Variants in KIAA1614 observed in about 807,000 individuals in gnomAD.
KIAA1614 encodes the protein uncharacterized protein KIAA1614.
In KIAA1614, 76 loss-of-function variants were observed where a neutral mutation model predicts 88.7. That is an observed-to-expected ratio of 0.86 (90% CI 0.71 to 1.04). The LOEUF (loss-of-function observed/expected upper bound fraction) is 1.04, where lower values mean the gene tolerates loss of function less well. KIAA1614 is among the 50% of genes least tolerant of loss of function. The probability of loss-of-function intolerance (pLI) is 0.00; values close to 1 mark genes in which losing one functional copy is unlikely to be tolerated. For synonymous variants in KIAA1614, 714 were observed against 675.5 expected (o/e 1.06, Z -0.88); for missense variants, 1,553 against 1,582.5 (o/e 0.98, Z 0.32).
In KIAA1614 at chr1:180,916,154, A is replaced by G. The variant is rs187389379; in HGVS notation, c.51A>G (p.Gln17=). 456 of 1,543,944 alleles carry G rather than the reference A, an allele frequency of 3.0e-4. No individual in the cohort carries two copies. In the African/African-American group the frequency reaches 5.9e-3, roughly 20 times the overall value. ...AAAKPAGGSP[Q]GPKTGSGTAS... The stretch of plus-strand genomic sequence containing the variant: ...GAACTCTGTCTGTTTTCTCCTCCAG[A>G]GGGCCCAAGACAGGGAGTGGAACAG... The change falls in exon 2 of 9, where the codon CAA becomes CAG. Residue 17 remains glutamine, a splice_region_variant and synonymous_variant. Coordinates refer to ENST00000367588, the MANE Select transcript of KIAA1614 (RefSeq NM_020950.2).
chr1:180,928,271 C>G (rs1056585980), intron 3 of KIAA1614, 159 bp from the exon 4 acceptor site: 2 of 888,460 alleles, frequency 2.3e-6, no homozygotes, highest in Admixed American at 2.9e-5. Flanking sequence ...CCCAGGCCCC[C>G]AGGCTGGGTT....
chr1:180,941,006 GCCCTCCCCCGC>G, intron 6 of KIAA1614, 28 bp from the exon 7 acceptor site: 5 of 908,370 alleles, frequency 5.5e-6, no homozygotes, highest in Non-Finnish European at 7.7e-6. Flanking sequence ...CACCCTCCCG[GCCCTCCCCCGC>G]CCCCTCACCT....
chr1:180,951,196 A>G lies in KIAA1614; in HGVS notation c.*5608A>G, dbSNP rs943666653. The G allele has an allele frequency of 6.8e-6, 1 of 146,288 alleles. No homozygotes were observed. The highest frequency in any genetic ancestry group is 7.1e-5 in the Admixed American group (1 of 14,154). 9.1% of individuals were successfully genotyped at this position (146,288 alleles called of 1,614,324 possible). On this transcript the variant is annotated 3_prime_UTR_variant, in exon 9 of 9. Transcript: ENST00000367588. ...TTTCTAGGAAAATTTTTTTATACAT[A>G]AAGTTGAAAACAACAACAACAACAA... is the stretch of plus-strand genomic sequence containing the variant.
rs151081433 is a variant in KIAA1614 at position 180,919,441 on chromosome 1, C to T, written c.1061+1527C>T. On this transcript the variant is annotated intron_variant, in intron 3 of 8. Transcript: ENST00000367588. ...AAAGGCCTGTGGGCCTCAGCCGGCT[C>T]TGCTCCCCTGTCTGCGCCCTGTTCA... Among the ~76,000 whole-genome samples the T allele has an allele frequency of 6.3e-3, 960 of 152,356 alleles. 10 individuals carry two copies. Among genetic ancestry groups the T allele is most frequent in the African/African-American group, 0.021 (862 of 41,574 alleles).
chr1:180,938,375 G>A (rs1654378131), intron 5 of KIAA1614, among the ~76,000 whole-genome samples, 180 bp from the exon 6 acceptor site: 1 of 152,140 alleles, frequency 6.6e-6, no homozygotes, highest in Non-Finnish European at 1.5e-5. Flanking sequence ...CTCAGCCCTG[G>A]TCATCTAAGA....
rs933670034 is a variant in KIAA1614 at position 180,946,914 on chromosome 1, T to C, written c.*1326T>C. 3.3e-5 allele frequency: 5 copies of C among 152,276 alleles called. No individual in the cohort carries two copies. The highest frequency in any genetic ancestry group is 2.9e-5 in the Non-Finnish European group (2 of 68,068). 9.4% of individuals were successfully genotyped at this position (152,276 alleles called of 1,614,324 possible). On this transcript the variant is annotated 3_prime_UTR_variant, in exon 9 of 9. Transcript: ENST00000367588. ...ATATACTACCCAGTGAGCAGTTAGA[T>C]TGTATCTATAAAATGTGTACTCTTG...
Position 180,929,535 on chromosome 1 carries a change from C to T in KIAA1614, c.1205+962C>T, listed in dbSNP as rs1195204625. 2.0e-5 allele frequency among the ~76,000 whole-genome samples: 3 copies of T among 152,218 alleles called. No homozygotes were observed. The East Asian group carries it at 5.8e-4, about 29-fold the overall frequency. ...TGTCATCCCTGATTTCATAATGCTA[C>T]AGCCGTGGTAAGGTAGGAAAACAAC... On this transcript the variant is annotated intron_variant, in intron 4 of 8. Coordinates refer to ENST00000367588, the MANE Select transcript of KIAA1614 (RefSeq NM_020950.2).
At position 180,935,951 on chromosome 1, in the gene KIAA1614, A is replaced by G. The variant is rs373192353; in HGVS notation, c.2042A>G (p.Asp681Gly). ...GCCCAGCAACACCTGCCTAGGGCTG[A>G]TGATGTGGAGGTGGAAAATGAGGTG... ...LQAQQHLPRA[D>G]DVEVENEVKE... Residue 681 changes from aspartate to glycine, a missense_variant, in exon 5 of 9, where the codon GAT becomes GGT. Transcript: ENST00000367588. The surrounding 1 kb of genome is among the most constrained non-coding windows in gnomAD (Gnocchi z 6.1). The G allele has an allele frequency of 3.5e-5, 56 of 1,613,888 alleles. No homozygotes were observed. The highest frequency in any genetic ancestry group is 4.7e-5 in the Non-Finnish European group (55 of 1,179,924).
chr1:180,937,591 C>A (rs180990566), intron 5 of KIAA1614, among the ~76,000 whole-genome samples: 2 of 152,184 alleles, frequency 1.3e-5, no homozygotes, highest in Non-Finnish European at 2.9e-5. Flanking sequence ...AATGTGACCA[C>A]GGCTCTGACA....
In KIAA1614 at chr1:180,945,949, C is replaced by T. The variant is rs533410241; in HGVS notation, c.*361C>T. ...GTGAAACCCATGTCTACTAAAAATA[C>T]AAAATTAGCTGGGCGTGGTGGCGCA... On this transcript the variant is annotated 3_prime_UTR_variant, in exon 9 of 9. Transcript: ENST00000367588. 1 of 300,546 alleles carries T rather than the reference C, an allele frequency of 3.3e-6. No homozygotes were observed. Among genetic ancestry groups the T allele is most frequent in the Non-Finnish European group, 5.0e-6 (1 of 198,616 alleles). The allele number at this position is 300,546 out of a possible 1,614,324, so 18.6% of individuals were successfully genotyped here.
In KIAA1614 at chr1:180,941,245, C is replaced by T. The variant is rs778004113; in HGVS notation, c.3119C>T (p.Thr1040Met). The T allele has an allele frequency of 2.9e-5, 46 of 1,613,578 alleles. No homozygotes were observed. The highest frequency in any genetic ancestry group is 2.0e-4 in the East Asian group (9 of 44,888). Residue 1040 changes from threonine to methionine, a missense_variant, in exon 7 of 9, where the codon ACG (threonine) becomes ATG (methionine). By Grantham distance (81) the Thr-to-Met change is moderately conservative (BLOSUM62 -1). Transcript: ENST00000367588. Reference protein sequence around the residue: ...EQLQPAPPGLTSQSRAPSLQS... With the variant: ...EQLQPAPPGLMSQSRAPSLQS... ...TTGCAGCCCGCCCCGCCTGGCCTGA[C>T]GTCACAGTCCAGGGCCCCATCGTTA...
intron 3 of KIAA1614, among the ~76,000 whole-genome samples, chr1:180,922,331 A>G (rs76246493): frequency 0.025 from 3,867 of 152,238 alleles, 154 homozygotes; most frequent in African/African-American, 0.088. Context: ...GCTGTGATGG[A>G]GTCGTGCCCC....
In KIAA1614 at chr1:180,935,782, A is replaced by G. The variant is rs752981786; in HGVS notation, c.1873A>G (p.Ser625Gly). The G allele has an allele frequency of 1.2e-6, 2 of 1,613,868 alleles. No homozygotes were observed. The highest frequency in any genetic ancestry group is 4.5e-5 in the East Asian group (2 of 44,860). The change falls in exon 5 of 9, where the codon AGT becomes GGT. Residue 625 changes from serine to glycine, a missense_variant. By Grantham distance (56) the Ser-to-Gly change is moderately conservative (BLOSUM62 0). Coordinates refer to ENST00000367588, the MANE Select transcript of KIAA1614 (RefSeq NM_020950.2). The surrounding 1 kb of genome is among the most constrained non-coding windows in gnomAD (Gnocchi z 6.1). Reference sequence around the variant, plus strand: ...CAACTCTGACAACTGCAGGACCGACAGTGAGGAGGCGGGGACCTCTCAGGC... The same window carrying G: ...CAACTCTGACAACTGCAGGACCGACGGTGAGGAGGCGGGGACCTCTCAGGC... Reference protein sequence around the residue: ...TDNSDNCRTDSEEAGTSQAGW... With the variant: ...TDNSDNCRTDGEEAGTSQAGW...
chr1:180,937,182 G>A (rs985490387), intron 5 of KIAA1614, among the ~76,000 whole-genome samples: 1 of 152,252 alleles, frequency 6.6e-6, no homozygotes, highest in African/African-American at 2.4e-5. Context: ...CATTGGCTGA[G>A]CACCTGTTAT....
intron 4 of KIAA1614, 83 bp downstream of exon 4, chr1:180,928,656 ATGC>A (rs35197779): frequency 0.63 from 830,551 of 1,315,524 alleles, 269,919 homozygotes; most frequent in South Asian, 0.68. Context: ...ATCTAGCCAA[ATGC>A]TGCTGCTGCT....
intron 4 of KIAA1614, among the ~76,000 whole-genome samples, chr1:180,931,295 CAG>C (rs1177031482): frequency 6.6e-6 from 1 of 152,084 alleles, no homozygotes; most frequent in Non-Finnish European, 1.5e-5. Flanking sequence ...TGTCCTGGGT[CAG>C]AGAGAGTGGC....
Position 180,935,962 on chromosome 1 carries a change from G to T in KIAA1614, c.2053G>T (p.Val685Leu), listed in dbSNP as rs1558070407. The T allele has an allele frequency of 6.2e-7, 1 of 1,614,080 alleles. No homozygotes were observed. The highest frequency in any genetic ancestry group is 1.7e-5 in the Admixed American group (1 of 60,028). The change falls in exon 5 of 9, where the codon GTG (valine) becomes TTG (leucine). Residue 685 changes from valine to leucine, a missense_variant. Val to Leu is a conservative substitution (Grantham distance 32). Transcript: ENST00000367588. The surrounding 1 kb of genome is among the most constrained non-coding windows in gnomAD (Gnocchi z 6.1). Reference protein sequence around the residue: ...QHLPRADDVEVENEVKEGRGH... With the variant: ...QHLPRADDVELENEVKEGRGH... ...CCTGCCTAGGGCTGATGATGTGGAG[G>T]TGGAAAATGAGGTGAAAGAGGGCAG... is the stretch of plus-strand genomic sequence containing the variant.
intron 6 of KIAA1614, 61 bp downstream of exon 6, chr1:180,938,772 G>A (rs1654389528): frequency 5.9e-6 from 9 of 1,525,158 alleles, no homozygotes; most frequent in Non-Finnish European, 8.1e-6. Context: ...CTCTGGGAGG[G>A]GACAGAGACC....
At chr1:180,944,867 G>T in intron 8 of KIAA1614, 1 of 250,526 alleles carries the variant, frequency 4.0e-6, no homozygotes, top group Non-Finnish European at 7.6e-6. Flanking sequence ...TAGAGACAGA[G>T]GCCCCCAAAG....
Sources: gnomAD v4.1 joint callset for allele counts (sites outside exome capture counted in the v4.1 genomes callset) on GRCh38, gnomAD v4.1.1 for gene constraint, Gnocchi (gnomAD v3.1) non-coding constraint, MANE v1.5 for transcripts, NCBI Gene and HGNC (gene_info 2026-07-23, HGNC 2026-07-21) for gene names.